MAPK6: variants seen among roughly 807,000 people sequenced by gnomAD.
The protein encoded by MAPK6 is mitogen-activated protein kinase 6.
MAPK6 carries 19 observed loss-of-function variants against 59.3 expected under a neutral mutation model. That is an observed-to-expected ratio of 0.32 (90% confidence interval 0.22 to 0.47). MAPK6 has a LOEUF of 0.47. Ranked by LOEUF, MAPK6 falls within the 20% of genes least tolerant of loss-of-function variation. The pLI, the probability that MAPK6 is intolerant of heterozygous loss-of-function variation, is 1.00. For synonymous variants in MAPK6, 316 were observed against 290.3 expected (o/e 1.09, Z -0.90); for missense variants, 724 against 847.9 (o/e 0.85, Z 1.81).
At chr15:51,985,684 C>A (rs113992162) in intron 2 of MAPK6, among the ~76,000 whole-genome samples, 1 of 151,658 alleles carries the variant, frequency 6.6e-6, no homozygotes, top group Non-Finnish European at 1.5e-5. Context: ...CCCGGCCAGG[C>A]GCAGTGGCTC....
intron 1 of MAPK6, among the ~76,000 whole-genome samples, chr15:52,038,228 A>G (rs988632812): frequency 1.3e-5 from 2 of 151,964 alleles, no homozygotes; most frequent in African/African-American, 4.8e-5. Flanking sequence ...GTAAGCATTC[A>G]GTAAAATGTT....
intron 3 of MAPK6, among the ~76,000 whole-genome samples, chr15:52,055,810 C>A (rs1013366200): frequency 6.6e-6 from 1 of 152,248 alleles, no homozygotes; most frequent in East Asian, 1.9e-4. Flanking sequence ...CCACTGCTCT[C>A]GGCTGTATTT....
intron 5 of MAPK6, among the ~76,000 whole-genome samples, chr15:52,062,067 ATTTT>A (rs59641315): frequency 0.011 from 1,469 of 137,502 alleles, 24 homozygotes; most frequent in African/African-American, 0.038. Context: ...TAGATGCAGG[ATTTT>A]TTTTTTTTTT....
chr15:52,043,385 C>A (rs946097941), intron 1 of MAPK6, among the ~76,000 whole-genome samples: 10 of 152,104 alleles, frequency 6.6e-5, no homozygotes, highest in Non-Finnish European at 1.5e-4. Flanking sequence ...GCAACCTCCA[C>A]CTCCCAGGTC....
intron 3 of MAPK6, among the ~76,000 whole-genome samples, chr15:52,055,492 T>A (rs1235023229): frequency 6.6e-6 from 1 of 152,198 alleles, no homozygotes; most frequent in Admixed American, 6.5e-5. Flanking sequence ...CTACTGCTGC[T>A]GCATGGATTA....
At chr15:52,001,047 G>T (rs2057240492) in intron 2 of MAPK6, among the ~76,000 whole-genome samples, 1 of 152,162 alleles carries the variant, frequency 6.6e-6, no homozygotes, top group Non-Finnish European at 1.5e-5. Context: ...TTGCCAATGT[G>T]ATAGCATTAA....
chr15:52,054,738 A>ACACC (rs1358740798), intron 3 of MAPK6, among the ~76,000 whole-genome samples: 1 of 150,210 alleles, frequency 6.7e-6, no homozygotes, highest in African/African-American at 2.5e-5. Context: ...ATACACACAC[A>ACACC]CACACACACA....
intron 2 of MAPK6, among the ~76,000 whole-genome samples, chr15:51,987,806 C>T (rs2057195768): frequency 1.4e-5 from 2 of 145,912 alleles, no homozygotes; most frequent in Admixed American, 7.0e-5. Context: ...ACTCTTACCA[C>T]CCAGGCTGGA....
intron 1 of MAPK6, among the ~76,000 whole-genome samples, chr15:51,973,582 G>C (rs912977332): frequency 6.6e-6 from 1 of 151,748 alleles, no homozygotes; most frequent in African/African-American, 2.4e-5. Flanking sequence ...GAATAAACGT[G>C]TTTTTCCCAT....
Position 52,033,439 on chromosome 15 carries a change from G to A in MAPK6, c.-631-12391G>A, listed in dbSNP as rs543824458. 5.3e-4 allele frequency among the ~76,000 whole-genome samples: 80 copies of A among 152,228 alleles called. 1 individual carries two copies. Among genetic ancestry groups the A allele is most frequent in the South Asian group, 2.1e-3 (10 of 4,824 alleles). ...GTCTTTTGGCTTTCATTTTTCATCCGTCCTGGATGCTTCCTTCTGTTCCTC... is the reference window on the plus strand; with the variant it reads ...GTCTTTTGGCTTTCATTTTTCATCCATCCTGGATGCTTCCTTCTGTTCCTC... On this transcript the variant is annotated intron_variant, in intron 1 of 5. Transcript: ENST00000261845.
At chr15:51,977,432 A>C (rs1457419340) in intron 1 of MAPK6, among the ~76,000 whole-genome samples, 1 of 151,856 alleles carries the variant, frequency 6.6e-6, no homozygotes, top group African/African-American at 2.4e-5. Context: ...AAAAAGCCCA[A>C]AGGAGGCCAC....
intron 2 of MAPK6, among the ~76,000 whole-genome samples, chr15:52,000,129 G>C (rs1237632064): frequency 6.6e-6 from 1 of 151,682 alleles, no homozygotes; most frequent in Non-Finnish European, 1.5e-5. Flanking sequence ...TTAAGAGATT[G>C]GGTCTCTCTG....
At chr15:52,055,677 G>A (rs58450892) in intron 3 of MAPK6, among the ~76,000 whole-genome samples, 74 of 152,110 alleles carry the variant, frequency 4.9e-4, no homozygotes, top group African/African-American at 1.6e-3. Context: ...CTCCATGCCC[G>A]GCTAATTTTT....
At chr15:52,020,578 C>G (rs985814784) in intron 1 of MAPK6, among the ~76,000 whole-genome samples, 3 of 152,104 alleles carry the variant, frequency 2.0e-5, no homozygotes, top group Non-Finnish European at 4.4e-5. Context: ...CTGTCTCTTA[C>G]AGTTCCAATT....
chr15:52,045,153 T>C (rs1204231087), intron 1 of MAPK6, among the ~76,000 whole-genome samples: 1 of 152,124 alleles, frequency 6.6e-6, no homozygotes, highest in Non-Finnish European at 1.5e-5. Flanking sequence ...TTATGCCAAA[T>C]TGCTCTGAAG....
chr15:52,052,739 G>A (rs982102676), intron 3 of MAPK6, among the ~76,000 whole-genome samples: 2 of 152,004 alleles, frequency 1.3e-5, no homozygotes, highest in African/African-American at 4.8e-5. Flanking sequence ...TCCTTTTTAC[G>A]GGCAAATAGT....
chr15:52,052,328 T>G (rs1413452080), intron 3 of MAPK6, among the ~76,000 whole-genome samples: 1 of 152,186 alleles, frequency 6.6e-6, no homozygotes, highest in African/African-American at 2.4e-5. Flanking sequence ...CTTCATAATA[T>G]GGTGGCTGGC....
chr15:51,997,789 G>A (rs1159765431), intron 2 of MAPK6, among the ~76,000 whole-genome samples: 2 of 150,746 alleles, frequency 1.3e-5, no homozygotes, highest in African/African-American at 2.4e-5. Flanking sequence ...ACAGGGTTTC[G>A]CCATGTTGCC....
chr15:52,019,631 G>A (rs2030428556), intron 1 of MAPK6, among the ~76,000 whole-genome samples: 2 of 146,254 alleles, frequency 1.4e-5, no homozygotes, highest in Non-Finnish European at 3.0e-5. Context: ...CGGCGGGCTG[G>A]GGTCCCCGCG....
Sources: gnomAD v4.1 joint callset for allele counts (sites outside exome capture counted in the v4.1 genomes callset) on GRCh38, gnomAD v4.1.1 for gene constraint, MANE v1.5 for transcripts, NCBI Gene and HGNC (gene_info 2026-07-23, HGNC 2026-07-21) for gene names.